Variants in SP7 observed in about 807,000 individuals in gnomAD.
SP7 encodes the protein Sp7 transcription factor, also known as transcription factor Sp7.
SP7 carries 13 observed loss-of-function variants against 27.9 expected under a neutral mutation model. That is an observed-to-expected ratio of 0.47 (90% CI 0.30 to 0.74). The LOEUF (loss-of-function observed/expected upper bound fraction) is 0.74. SP7 is among the 30% of genes least tolerant of loss of function. SP7 has a pLI of 0.06. For missense variants in SP7, 525 were observed against 558.0 expected (o/e 0.94, Z 0.60); for synonymous variants, 219 against 226.7 (o/e 0.97, Z 0.31).
In SP7 at chr12:53,329,326, A is replaced by G. The variant is rs747796532; in HGVS notation, c.116T>C (p.Leu39Pro). 2 of 1,614,002 alleles carry G rather than the reference A, an allele frequency of 1.2e-6. No individual in the cohort carries two copies. Among genetic ancestry groups the G allele is most frequent in the Admixed American group, 1.7e-5 (1 of 60,030 alleles). Residue 39 changes from leucine to proline, a missense_variant, in exon 3 of 3, where the codon CTG becomes CCG. Transcript: ENST00000536324. ...CGGCTTCTTTGTGCCTGCTTTGCCC[A>G]GAGTTGTTGAGTCCCGCAGAGGGCT... Reference protein sequence around the residue: ...GSSPLRDSTTLGKAGTKKPYS... With the variant: ...GSSPLRDSTTPGKAGTKKPYS...
intron 1 of SP7, among the ~76,000 whole-genome samples, chr12:53,342,036 C>T (rs1418840917): frequency 8.3e-5 from 12 of 145,314 alleles, no homozygotes; most frequent in Non-Finnish European, 1.2e-4. Context: ...CCAGCCTGGG[C>T]GACAGAGCGA....
chr12:53,329,004 G>C lies in SP7; in HGVS notation c.438C>G (p.Gly146=). Residue 146 remains glycine, a synonymous_variant, in exon 3 of 3, where the codon GGC becomes GGG. Coordinates refer to ENST00000536324, the MANE Select transcript of SP7 (RefSeq NM_001173467.3). ...GAGTGTTGCCTGGGCCTGGTGAAATGCCTGCATGGATGCCTGCCTTGTACC... is the reference window on the plus strand; with the variant it reads ...GAGTGTTGCCTGGGCCTGGTGAAATCCCTGCATGGATGCCTGCCTTGTACC... ...GSWYKAGIHA[G]ISPGPGNTPT... is the part of the protein sequence containing the mutation. The C allele has an allele frequency of 1.9e-6, 3 of 1,613,612 alleles. No homozygotes were observed. The highest frequency in any genetic ancestry group is 1.7e-6 in the Non-Finnish European group (2 of 1,179,720).
In SP7 at chr12:53,328,706, C is replaced by A; in HGVS notation, c.736G>T (p.Ala246Ser). The change falls in exon 3 of 3, where the codon GCC becomes TCC. Residue 246 changes from alanine (A) to serine (S), a missense_variant. Coordinates refer to ENST00000536324, the MANE Select transcript of SP7 (RefSeq NM_001173467.3). The surrounding 1 kb of genome is among the most constrained non-coding windows in gnomAD (Gnocchi z 5.1). Reference sequence around the variant, plus strand: ...GTGCTTGCACCCCGTGGGGGTTTGGCTCCACCACTCCCTTCTAGCTGCCCA... The same window carrying A: ...GTGCTTGCACCCCGTGGGGGTTTGGATCCACCACTCCCTTCTAGCTGCCCA... ...NSGQLEGSGG[A>S]KPPRGASTGG... 6.2e-7 allele frequency: 1 copy of A among 1,605,756 alleles called. No individual in the cohort carries two copies. The highest frequency in any genetic ancestry group is 8.5e-7 in the Non-Finnish European group (1 of 1,174,130).
upstream of SP7, among the ~76,000 whole-genome samples, chr12:53,338,160 G>A (rs1352965746): frequency 4.6e-5 from 7 of 151,620 alleles, no homozygotes; most frequent in South Asian, 4.2e-4. Context: ...AGGCAGGTGG[G>A]GGGGCGGGGA....
intron 2 of SP7, among the ~76,000 whole-genome samples, chr12:53,333,707 C>T (rs1944732657): frequency 1.7e-5 from 1 of 59,258 alleles, no homozygotes; most frequent in Non-Finnish European, 3.8e-5. Flanking sequence ...CCGAGGTGAG[C>T]CCCCCATCAA....
intron 1 of SP7, 154 bp from the exon 2 acceptor site, chr12:53,335,847 G>A: frequency 7.1e-7 from 1 of 1,413,042 alleles, no homozygotes; most frequent in Non-Finnish European, 9.2e-7. Flanking sequence ...TTTCCCAGCG[G>A]AGAAGGCTCC....
At chr12:53,332,995 G>T (rs568476441) in intron 2 of SP7, among the ~76,000 whole-genome samples, 75 of 152,312 alleles carry the variant, frequency 4.9e-4, no homozygotes, top group Non-Finnish European at 8.7e-4. Context: ...ACCCAGCTGT[G>T]GGGAGGGAAG....
At position 53,328,742 on chromosome 12, in the gene SP7, C is replaced by G; in HGVS notation, c.700G>C (p.Val234Leu). ...LPQDVYKPKA[V>L]GNSGQLEGSG... ...CCTTCTAGCTGCCCACTATTTCCCA[C>G]TGCCTTGGGTTTATAGACATCTTGG... The change falls in exon 3 of 3, where the codon GTG becomes CTG. Residue 234 changes from valine (V) to leucine (L), a missense_variant. Val to Leu is a conservative substitution (Grantham distance 32). Transcript: ENST00000536324. The surrounding 1 kb of genome is among the most constrained non-coding windows in gnomAD (Gnocchi z 5.1). 3 of 1,606,862 alleles carry G rather than the reference C, an allele frequency of 1.9e-6. No individual in the cohort carries two copies. The highest frequency in any genetic ancestry group is 2.2e-5 in the East Asian group (1 of 44,732).
At chr12:53,332,493 A>G (rs1164443270) in intron 2 of SP7, among the ~76,000 whole-genome samples, 1 of 152,154 alleles carries the variant, frequency 6.6e-6, no homozygotes, top group African/African-American at 2.4e-5. Context: ...TGGGAAGCTC[A>G]CTTGAGCTAA....
At chr12:53,339,986 A>G (rs1944808368), upstream of SP7, among the ~76,000 whole-genome samples, 1 of 152,116 alleles carries the variant, frequency 6.6e-6, no homozygotes, top group Non-Finnish European at 1.5e-5. Flanking sequence ...GCCCTAATAC[A>G]TACCTGATGA....
rs549069093 is a variant in SP7 at position 53,328,156 on chromosome 12, A to G, written c.1286T>C (p.Leu429Pro). The change falls in exon 3 of 3, where the codon CTG (leucine) becomes CCG (proline). Residue 429 changes from leucine (L) to proline (P), a missense_variant. Coordinates refer to ENST00000536324, the MANE Select transcript of SP7 (RefSeq NM_001173467.3). The surrounding 1 kb of genome is among the most constrained non-coding windows in gnomAD (Gnocchi z 5.1). ...PGGSPEQSNL[L>P]EI ...GACCTTCCACCCGGCTCAGATCTCC[A>G]GCAAGTTGCTCTGCTCAGGGCTGCC... The G allele has an allele frequency of 6.2e-7, 1 of 1,611,102 alleles. No individual in the cohort carries two copies. The highest frequency in any genetic ancestry group is 2.2e-5 in the East Asian group (1 of 44,858).
At position 53,329,139 on chromosome 12, in the gene SP7, C is replaced by A; in HGVS notation, c.303G>T (p.Gly101=). The A allele has an allele frequency of 6.2e-7, 1 of 1,613,770 alleles. No homozygotes were observed. The highest frequency in any genetic ancestry group is 8.5e-7 in the Non-Finnish European group (1 of 1,179,854). The change falls in exon 3 of 3, where the codon GGG becomes GGT. Residue 101 remains glycine, a synonymous_variant. Coordinates refer to ENST00000536324, the MANE Select transcript of SP7 (RefSeq NM_001173467.3). The part of the protein sequence containing the change: ...DYPPFSHSFP[G]PTGTQDPGLL... ...GCCCAGGGTCCTGGGTGCCTGTGGG[C>A]CCAGGGAATGAGTGGGAAAAGGGAG... is the stretch of plus-strand genomic sequence containing the variant.
intron 2 of SP7, among the ~76,000 whole-genome samples, chr12:53,333,868 G>A (rs1565792487): frequency 6.6e-6 from 1 of 151,030 alleles, no homozygotes; most frequent in African/African-American, 2.5e-5. Context: ...CGTGTTGCAG[G>A]CATCTCCAGC....
At position 53,327,031 on chromosome 12, in the gene SP7, G is replaced by A. The variant is rs1310283984; in HGVS notation, c.*1115C>T. The A allele has an allele frequency of 6.6e-6, 1 of 152,428 alleles. No individual in the cohort carries two copies. The highest frequency in any genetic ancestry group is 1.5e-5 in the Non-Finnish European group (1 of 68,058). The allele number at this position is 152,428 out of a possible 1,614,324, so 9.4% of individuals were successfully genotyped here. A position where few individuals can be genotyped will look rare whatever the true frequency, so the allele number is the denominator to read the frequency against. On this transcript the variant is annotated 3_prime_UTR_variant, in exon 3 of 3. Transcript: ENST00000536324. Reference sequence around the variant, plus strand: ...CTCCTGTTAGATGGGCTTCCCCAAAGAGCACATCTAAGATGGCAGCTGCAA... The same window carrying A: ...CTCCTGTTAGATGGGCTTCCCCAAAAAGCACATCTAAGATGGCAGCTGCAA...
intron 2 of SP7, 79 bp from the exon 3 acceptor site, chr12:53,329,499 C>G: frequency 2.5e-6 from 3 of 1,218,590 alleles, no homozygotes; most frequent in Non-Finnish European, 1.2e-6. Context: ...GGACTGAGAC[C>G]TAGAGACATC....
At chr12:53,340,604 A>G (rs1316719866), upstream of SP7, among the ~76,000 whole-genome samples, 1 of 151,966 alleles carries the variant, frequency 6.6e-6, no homozygotes, top group African/African-American at 2.4e-5. Flanking sequence ...CCCTCTGTGG[A>G]GCTCCCCAAC....
At chr12:53,336,800 G>A (rs1944777030), upstream of SP7, among the ~76,000 whole-genome samples, 1 of 152,016 alleles carries the variant, frequency 6.6e-6, no homozygotes, top group Non-Finnish European at 1.5e-5. Flanking sequence ...AGGTTCTGAG[G>A]TGGAGGTTTC....
At chr12:53,339,123 C>T (rs1389329377), upstream of SP7, among the ~76,000 whole-genome samples, 1 of 152,178 alleles carries the variant, frequency 6.6e-6, no homozygotes, top group Non-Finnish European at 1.5e-5. Flanking sequence ...GTATAAACCC[C>T]CTAGGCATCT....
At chr12:53,342,146 C>T (rs962534112) in intron 1 of SP7, among the ~76,000 whole-genome samples, 12 of 151,900 alleles carry the variant, frequency 7.9e-5, no homozygotes, top group Non-Finnish European at 1.5e-5. Flanking sequence ...GCCTGTAATC[C>T]CAGCTACTCT....
Sources: allele counts gnomAD v4.1 joint callset (sites outside exome capture counted in the v4.1 genomes callset), GRCh38; gene constraint gnomAD v4.1.1; non-coding constraint Gnocchi (gnomAD v3.1); transcripts MANE v1.5; gene names NCBI Gene and HGNC (gene_info 2026-07-23, HGNC 2026-07-21).